The following MYO9A variants were observed in gnomAD, a reference collection of about 807,000 sequenced individuals.
MYO9A encodes myosin IXA.
MYO9A carries 103 observed loss-of-function variants against 293.3 expected under a neutral mutation model. That is an observed-to-expected ratio of 0.35 (90% CI 0.30 to 0.41). The LOEUF (loss-of-function observed/expected upper bound fraction) is 0.41, where lower values mean the gene tolerates loss of function less well. Ranked by LOEUF, MYO9A falls within the 10% of genes least tolerant of loss-of-function variation. The pLI is 1.00. For missense variants in MYO9A, 2,685 were observed against 3,033.0 expected (o/e 0.89, Z 2.69); for synonymous variants, 1,001 against 1,035.7 (o/e 0.97, Z 0.64).
intron 13 of MYO9A, among the ~76,000 whole-genome samples, chr15:71,963,607 C>T (rs1177397505): frequency 7.2e-5 from 11 of 152,066 alleles, no homozygotes; most frequent in Non-Finnish European, 1.3e-4. Flanking sequence ...CACGCCACCA[C>T]GCCTGGCTAA....
intron 12 of MYO9A, among the ~76,000 whole-genome samples, chr15:71,969,801 C>T (rs1262845699): frequency 2.0e-5 from 3 of 151,990 alleles, no homozygotes; most frequent in South Asian, 4.1e-4. Context: ...ATACTTATTA[C>T]ATTACCAGGC....
At chr15:71,862,431 T>C (rs1375490340) in intron 33 of MYO9A, 69 bp downstream of exon 33, 1 of 1,223,558 alleles carries the variant, frequency 8.2e-7, no homozygotes, top group Non-Finnish European at 1.2e-6. Context: ...TTAAAGGAGA[T>C]ATAAGACAAC....
intron 1 of MYO9A, among the ~76,000 whole-genome samples, chr15:72,049,769 C>T (rs1467099792): frequency 6.6e-6 from 1 of 152,216 alleles, no homozygotes; most frequent in Non-Finnish European, 1.5e-5. Flanking sequence ...CATCTAATAC[C>T]TGATGATCTG....
chr15:71,873,746 TAATAA>T (rs796356943), intron 32 of MYO9A, among the ~76,000 whole-genome samples: 34 of 152,340 alleles, frequency 2.2e-4, no homozygotes, highest in African/African-American at 7.0e-4. Context: ...TCCTGAATTA[TAATAA>T]AATAGTTGTT....
chr15:71,939,277 G>A (rs912090523), intron 15 of MYO9A, among the ~76,000 whole-genome samples: 4 of 152,114 alleles, frequency 2.6e-5, no homozygotes, highest in South Asian at 2.1e-4. Context: ...CATGTAACGG[G>A]GGTTTGTTGT....
At chr15:72,092,429 C>A (rs1035139011) in intron 1 of MYO9A, among the ~76,000 whole-genome samples, 3 of 152,078 alleles carry the variant, frequency 2.0e-5, no homozygotes, top group Non-Finnish European at 4.4e-5. Flanking sequence ...ATATTTTAGG[C>A]CTTAGCTGAG....
intron 1 of MYO9A, among the ~76,000 whole-genome samples, chr15:72,110,122 T>C (rs1035446461): frequency 2.7e-5 from 4 of 150,892 alleles, no homozygotes; most frequent in Non-Finnish European, 5.9e-5. Flanking sequence ...AGTGAGATGC[T>C]GTCTCAAGAA....
rs1432332298 is a variant in MYO9A at position 71,823,094 on chromosome 15, C to CAAG, written c.*3483_*3485dup. On this transcript the variant is annotated 3_prime_UTR_variant, in exon 42 of 42. Transcript: ENST00000356056. ...GCATGCCCCGCATCCAGCTTCCCAC[C>CAAG]AAGAAGAAAAAAGAGAGGAGGATGA... 1.3e-5 allele frequency: 2 copies of CAAG among 151,728 alleles called. No homozygotes were observed. Among genetic ancestry groups the CAAG allele is most frequent in the African/African-American group, 4.8e-5 (2 of 41,298 alleles). The allele number at this position is 151,728 out of a possible 1,614,324, so 9.4% of individuals were successfully genotyped here. A position where few individuals can be genotyped will look rare whatever the true frequency, so the allele number is the denominator to read the frequency against.
intron 40 of MYO9A, 40 bp downstream of exon 40, chr15:71,830,069 C>G: frequency 3.2e-6 from 5 of 1,586,594 alleles, no homozygotes; most frequent in Non-Finnish European, 4.3e-6. Flanking sequence ...GAAACAAAAA[C>G]AGACTATAAC....
At chr15:71,834,882 A>G (rs1182986186) in intron 39 of MYO9A, among the ~76,000 whole-genome samples, 1 of 152,124 alleles carries the variant, frequency 6.6e-6, no homozygotes, top group African/African-American at 2.4e-5. Context: ...TAATATAGAA[A>G]ATGTAATATA....
chr15:71,928,374 G>T (rs2145551017), intron 18 of MYO9A, among the ~76,000 whole-genome samples: 1 of 151,820 alleles, frequency 6.6e-6, no homozygotes, highest in East Asian at 1.9e-4. Context: ...CAGGTAGTGT[G>T]AGCCTCCATC....
intron 39 of MYO9A, among the ~76,000 whole-genome samples, chr15:71,833,690 A>G (rs955767696): frequency 6.6e-6 from 1 of 152,094 alleles, no homozygotes; most frequent in South Asian, 2.1e-4. Context: ...AATTTATCTG[A>G]CCGTTAAAGT....
chr15:72,055,297 T>G (rs2078689657), intron 1 of MYO9A, among the ~76,000 whole-genome samples: 1 of 152,142 alleles, frequency 6.6e-6, no homozygotes, highest in Non-Finnish European at 1.5e-5. Context: ...ACATGTAGAA[T>G]GAAAACCTCT....
chr15:71,894,106 T>G (rs909036833), intron 25 of MYO9A, among the ~76,000 whole-genome samples: 8 of 152,160 alleles, frequency 5.3e-5, no homozygotes, highest in Admixed American at 3.9e-4. Context: ...CCCCTGAATC[T>G]TTAGAATACT....
At chr15:72,096,540 C>T (rs983576037) in intron 1 of MYO9A, among the ~76,000 whole-genome samples, 2 of 152,164 alleles carry the variant, frequency 1.3e-5, no homozygotes, top group African/African-American at 4.8e-5. Flanking sequence ...CCCAAGGGCT[C>T]TGTTAAAGAT....
intron 32 of MYO9A, among the ~76,000 whole-genome samples, chr15:71,869,472 T>A (rs1292336483): frequency 6.6e-6 from 1 of 152,150 alleles, no homozygotes; most frequent in African/African-American, 2.4e-5. Context: ...CTAAGAAGGC[T>A]AAGGAACTGT....
chr15:71,929,959 T>C (rs1000274545), intron 18 of MYO9A, among the ~76,000 whole-genome samples: 14 of 152,220 alleles, frequency 9.2e-5, no homozygotes, highest in African/African-American at 3.1e-4. Flanking sequence ...TAAAATGAGT[T>C]TGAGGTATTC....
At chr15:71,906,698 T>C (rs1331963943) in intron 19 of MYO9A, among the ~76,000 whole-genome samples, 1 of 151,358 alleles carries the variant, frequency 6.6e-6, no homozygotes, top group Non-Finnish European at 1.5e-5. Flanking sequence ...TAAAGAGGTT[T>C]CTTGTAGATA....
At chr15:72,044,735 GA>G (rs2149666561) in intron 2 of MYO9A, among the ~76,000 whole-genome samples, 1 of 152,096 alleles carries the variant, frequency 6.6e-6, no homozygotes, top group South Asian at 2.1e-4. Flanking sequence ...TACAAGTTTC[GA>G]TGCTAGGCAC....
Sources: allele counts gnomAD v4.1 joint callset (sites outside exome capture counted in the v4.1 genomes callset), GRCh38; gene constraint gnomAD v4.1.1; transcripts MANE v1.5; gene names NCBI Gene and HGNC (gene_info 2026-07-23, HGNC 2026-07-21).